The following GON4L variants were observed in gnomAD, a reference collection of about 807,000 sequenced individuals.
GON4L encodes the protein GON-4-like protein.
Under a neutral mutation model 211.8 loss-of-function variants are expected in GON4L, and 87 were observed. The ratio of observed to expected loss-of-function variants is 0.41; its 90% CI spans 0.35 to 0.49. The LOEUF (loss-of-function observed/expected upper bound fraction) is 0.49, where lower values mean the gene tolerates loss of function less well. GON4L is among the 20% of genes least tolerant of loss of function. The pLI is 0.15. For missense variants in GON4L, 2,155 were observed against 2,659.5 expected (o/e 0.81, Z 4.17); for synonymous variants, 875 against 962.6 (o/e 0.91, Z 1.68).
chr1:155,763,276 G>C lies in GON4L; in HGVS notation c.4726+36C>G, dbSNP rs747964125. The stretch of plus-strand genomic sequence containing the variant: ...TGTCCTCTAGACAATGAGGTTAAGT[G>C]AGAATGGTCCTTCAGTATAGGTTTG... On this transcript the variant is annotated intron_variant, in intron 22 of 31. Coordinates refer to ENST00000368331, the MANE Select transcript of GON4L (RefSeq NM_001282860.2). The C allele has an allele frequency of 3.1e-6, 5 of 1,604,124 alleles. No individual in the cohort carries two copies. In the East Asian group the frequency reaches 8.9e-5, roughly 29 times the overall value.
chr1:155,765,976 G>C lies in GON4L; in HGVS notation c.3497C>G (p.Pro1166Arg). ...ACTCTGGGCCACAGCCGCATTGACA[G>C]GCTGGATCATGTTACAGCCACCGCC... is the stretch of plus-strand genomic sequence containing the variant. ...SLGGGCNMIQ[P>R]VNAAVAQSPQ... The change falls in exon 21 of 32, where the codon CCT (proline) becomes CGT (arginine). Residue 1166 changes from proline to arginine, a missense_variant. Physicochemically the swap from Pro to Arg is moderately radical, Grantham distance 103. Transcript: ENST00000368331. The C allele has an allele frequency of 1.2e-6, 2 of 1,614,180 alleles. No individual in the cohort carries two copies. Among genetic ancestry groups the C allele is most frequent in the Non-Finnish European group, 1.7e-6 (2 of 1,180,030 alleles).
At chr1:155,748,758 CT>C, downstream of GON4L, 2 of 1,614,134 alleles carry the variant, frequency 1.2e-6, no homozygotes, top group Non-Finnish European at 8.5e-7. Flanking sequence ...GTCAGTGGTG[CT>C]GAGGGTATAG....
intron 12 of GON4L, among the ~76,000 whole-genome samples, chr1:155,790,098 C>A (rs1034729890): frequency 6.6e-6 from 1 of 151,784 alleles, no homozygotes; most frequent in African/African-American, 2.4e-5. Context: ...ACCAATGCAC[C>A]CAGATAATTT....
rs983572843 is a variant in GON4L, at chr1:155,854,254, G to A, written c.-26-448C>T. On this transcript the variant is annotated intron_variant, in intron 1 of 31. Transcript: ENST00000368331. ...GCAACCTCCGCCTCTCGCGTTTTAC[G>A]CCATTCTCCTGCCTCAGCCTCCTGA... 3.3e-5 allele frequency among the ~76,000 whole-genome samples: 5 copies of A among 152,156 alleles called. No homozygotes were observed. The South Asian group carries it at 8.3e-4, about 25-fold the overall frequency.
chr1:155,800,506 G>A (rs972714828), intron 11 of GON4L, among the ~76,000 whole-genome samples: 3 of 150,986 alleles, frequency 2.0e-5, no homozygotes, highest in South Asian at 2.1e-4. Context: ...GCGGTGAGCC[G>A]AGATCGCGCC....
intron 17 of GON4L, among the ~76,000 whole-genome samples, chr1:155,774,306 GA>G (rs1663533599): frequency 6.4e-5 from 7 of 109,568 alleles, no homozygotes; most frequent in Non-Finnish European, 3.5e-5. Flanking sequence ...AAAGTTAGTT[GA>G]TTTTTTTTTT....
intron 3 of GON4L, among the ~76,000 whole-genome samples, chr1:155,825,215 A>G (rs1669082676): frequency 6.6e-6 from 1 of 152,114 alleles, no homozygotes; most frequent in Admixed American, 6.6e-5. Context: ...AAACAACAGA[A>G]TGATATACAG....
chr1:155,815,676 ACAGCTTAAAG>A, intron 8 of GON4L, 119 bp downstream of exon 8: 1 of 692,510 alleles, frequency 1.4e-6, no homozygotes, highest in Non-Finnish European at 2.6e-6. Flanking sequence ...GGGCAGAAAA[ACAGCTTAAAG>A]CACAGAAATG....
At chr1:155,767,606 G>A in intron 19 of GON4L, 65 bp from the exon 20 acceptor site, 2 of 1,463,708 alleles carry the variant, frequency 1.4e-6, no homozygotes, top group Non-Finnish European at 1.9e-6. Flanking sequence ...TGTCAGGCTG[G>A]TGAATGGGGT....
At chr1:155,807,861 A>T (rs910614537) in intron 10 of GON4L, among the ~76,000 whole-genome samples, 6 of 151,980 alleles carry the variant, frequency 3.9e-5, no homozygotes, top group African/African-American at 1.2e-4. Flanking sequence ...GGATTTGGAT[A>T]GGGACTGCAT....
At chr1:155,781,185 C>G (rs1369000049) in intron 14 of GON4L, among the ~76,000 whole-genome samples, 3 of 151,568 alleles carry the variant, frequency 2.0e-5, no homozygotes, top group Non-Finnish European at 4.4e-5. Context: ...TCCTATTGCC[C>G]AGGCTGGAGT....
At chr1:155,816,773 TAAAAAAAAAA>T (rs34370558) in intron 6 of GON4L, among the ~76,000 whole-genome samples, 65 of 78,090 alleles carry the variant, frequency 8.3e-4, no homozygotes, top group Admixed American at 1.2e-3. Context: ...TTTTTTTTCT[TAAAAAAAAAA>T]AAAAAAAAAA....
At chr1:155,773,526 T>C (rs1663431180) in intron 17 of GON4L, 2 of 299,966 alleles carry the variant, frequency 6.7e-6, no homozygotes, top group South Asian at 7.9e-5. Context: ...AAAAATGTTT[T>C]ACCTCCTTCC....
At chr1:155,754,783 C>T (rs867675493) in intron 27 of GON4L, among the ~76,000 whole-genome samples, 2 of 151,568 alleles carry the variant, frequency 1.3e-5, no homozygotes, top group Admixed American at 6.6e-5. Flanking sequence ...CCTCCCTCAG[C>T]GTCCCAAAGT....
At chr1:155,772,509 T>G (rs1475947669) in intron 18 of GON4L, among the ~76,000 whole-genome samples, 1 of 151,648 alleles carries the variant, frequency 6.6e-6, no homozygotes, top group Non-Finnish European at 1.5e-5. Flanking sequence ...TCCCAGCACT[T>G]TGGGAGGCCA....
At chr1:155,832,897 A>T (rs1411853998) in intron 2 of GON4L, 2 of 151,122 alleles carry the variant, frequency 1.3e-5, no homozygotes, top group Non-Finnish European at 2.9e-5. Context: ...TCCAAAGTAG[A>T]TATATGTGAA....
chr1:155,810,831 A>G (rs561679310), intron 10 of GON4L, among the ~76,000 whole-genome samples: 114 of 152,018 alleles, frequency 7.5e-4, no homozygotes, highest in African/African-American at 2.7e-3. Context: ...CCTGGCCAAC[A>G]ATAAAACCCT....
chr1:155,805,261 T>G (rs1002648178), intron 10 of GON4L, 120 bp from the exon 11 acceptor site: 2 of 716,108 alleles, frequency 2.8e-6, no homozygotes, highest in Non-Finnish European at 5.0e-6. Flanking sequence ...TTTGGATTTA[T>G]TATTGTTTGA....
intron 1 of GON4L, among the ~76,000 whole-genome samples, chr1:155,855,810 G>A (rs2102528564): frequency 6.6e-6 from 1 of 152,008 alleles, no homozygotes; most frequent in Admixed American, 6.6e-5. Flanking sequence ...GTGAAACGCT[G>A]TCTCTACTAA....
Sources: gnomAD v4.1 joint callset for allele counts (sites outside exome capture counted in the v4.1 genomes callset) on GRCh38, gnomAD v4.1.1 for gene constraint, MANE v1.5 for transcripts, NCBI Gene and HGNC (gene_info 2026-07-23, HGNC 2026-07-21) for gene names.